Variants in MAMDC2 observed in about 807,000 individuals in gnomAD.
MAMDC2 encodes MAM domain-containing protein 2.
Under a neutral mutation model 89.8 loss-of-function variants are expected in MAMDC2, and 57 were observed. The ratio of observed to expected loss-of-function variants is 0.63; its 90% CI spans 0.51 to 0.79. The LOEUF is 0.79. Among genes scored for constraint, MAMDC2 ranks in the 30% least tolerant of loss-of-function variants. The probability of loss-of-function intolerance (pLI) is 0.00; values close to 1 mark genes in which losing one functional copy is unlikely to be tolerated. For synonymous variants in MAMDC2, 313 were observed against 293.4 expected (o/e 1.07, Z -0.68); for missense variants, 800 against 820.6 (o/e 0.97, Z 0.31).
intron 3 of MAMDC2, among the ~76,000 whole-genome samples, chr9:70,109,509 A>AT (rs993683129): frequency 2.0e-5 from 3 of 152,324 alleles, no homozygotes; most frequent in Non-Finnish European, 4.4e-5. Flanking sequence ...GTATGAGTTT[A>AT]TGTGCACATG....
chr9:70,213,186 A>C (rs923999373), intron 11 of MAMDC2, among the ~76,000 whole-genome samples: 4 of 152,186 alleles, frequency 2.6e-5, no homozygotes, highest in Non-Finnish European at 5.9e-5. Context: ...TTCTTAGGTC[A>C]TCTCTCTCAT....
intron 2 of MAMDC2, among the ~76,000 whole-genome samples, chr9:70,063,991 A>AT (rs1264026258): frequency 6.6e-6 from 1 of 152,150 alleles, no homozygotes; most frequent in African/African-American, 2.4e-5. Flanking sequence ...ATCTTTATTG[A>AT]TTTTTGCTGA....
chr9:70,099,240 A>G (rs1828101026), intron 2 of MAMDC2, among the ~76,000 whole-genome samples: 1 of 152,244 alleles, frequency 6.6e-6, no homozygotes, highest in Admixed American at 6.5e-5. Flanking sequence ...CAAAGATTAA[A>G]AAATCATTTT....
intron 9 of MAMDC2, among the ~76,000 whole-genome samples, chr9:70,150,778 T>C (rs2118447634): frequency 6.6e-6 from 1 of 152,334 alleles, no homozygotes; most frequent in African/African-American, 2.4e-5. Flanking sequence ...CCATCATTTC[T>C]TACTTAAATG....
chr9:70,186,232 C>G (rs1384992848), intron 11 of MAMDC2, among the ~76,000 whole-genome samples: 2 of 152,048 alleles, frequency 1.3e-5, no homozygotes, highest in African/African-American at 4.8e-5. Context: ...CCATGTTTAT[C>G]TCTTGAATTA....
chr9:70,061,052 A>G (rs1483101031), intron 2 of MAMDC2, among the ~76,000 whole-genome samples: 14 of 152,240 alleles, frequency 9.2e-5, no homozygotes, highest in Admixed American at 9.2e-4. Flanking sequence ...ATCCTTATGC[A>G]AATGCACAGT....
intron 2 of MAMDC2, chr9:70,086,296 A>G (rs936036496): frequency 3.3e-5 from 5 of 152,202 alleles, no homozygotes; most frequent in African/African-American, 1.2e-4. Context: ...TCCGATTTCC[A>G]CTACAATGTG....
chr9:70,072,275 A>G (rs985588379), intron 2 of MAMDC2, among the ~76,000 whole-genome samples: 4 of 152,162 alleles, frequency 2.6e-5, no homozygotes, highest in African/African-American at 9.7e-5. Flanking sequence ...GAGGTGCTCA[A>G]ATAAATGTGG....
intron 2 of MAMDC2, among the ~76,000 whole-genome samples, chr9:70,074,094 A>T (rs1360820814): frequency 6.6e-6 from 1 of 152,134 alleles, no homozygotes; most frequent in Non-Finnish European, 1.5e-5. Flanking sequence ...CCCTGCCCTT[A>T]ATAGCTTTAA....
intron 2 of MAMDC2, among the ~76,000 whole-genome samples, chr9:70,059,190 G>A (rs933933365): frequency 3.3e-5 from 5 of 152,174 alleles, no homozygotes; most frequent in African/African-American, 9.7e-5. Flanking sequence ...CCTGAGAAGA[G>A]GGAAAATCCT....
rs1338710069 is a variant in MAMDC2, at chr9:70,043,902, C to T, written c.-296C>T. The stretch of plus-strand genomic sequence containing the variant: ...GGCCTTTCAAAGTGTGCAGTTGTCT[C>T]CTCCCTGTCCAGCCCCATCGTCGCC... On this transcript the variant is annotated 5_prime_UTR_variant, in exon 1 of 14. Coordinates refer to ENST00000377182, the MANE Select transcript of MAMDC2 (RefSeq NM_153267.5). 1.8e-6 allele frequency: 1 copy of T among 541,944 alleles called. No homozygotes were observed. Among genetic ancestry groups the T allele is most frequent in the East Asian group, 3.1e-5 (1 of 32,108 alleles). The allele number at this position is 541,944 out of a possible 1,614,324, so 33.6% of individuals were successfully genotyped here.
At position 70,052,875 on chromosome 9, in the gene MAMDC2, C is replaced by T. The variant is rs7034922; in HGVS notation, c.148+8178C>T. On this transcript the variant is annotated intron_variant, in intron 2 of 13. Coordinates refer to ENST00000377182, the MANE Select transcript of MAMDC2 (RefSeq NM_153267.5). ...CAAAGCAGTATTACAGCTTGTCTCA[C>T]CAGTACATGGCCTGTTTCATCCCTA... is the stretch of plus-strand genomic sequence containing the variant. 5.2e-3 allele frequency among the ~76,000 whole-genome samples: 787 copies of T among 152,322 alleles called. 6 individuals carry two copies. The highest frequency in any genetic ancestry group is 0.018 in the African/African-American group (728 of 41,564).
At chr9:70,126,737 AGAG>A (rs1434357681) in intron 6 of MAMDC2, among the ~76,000 whole-genome samples, 2 of 152,122 alleles carry the variant, frequency 1.3e-5, no homozygotes, top group Non-Finnish European at 2.9e-5. Context: ...AGGGTTCAAA[AGAG>A]GAGATCAGAA....
intron 11 of MAMDC2, among the ~76,000 whole-genome samples, chr9:70,200,858 G>A (rs1467202075): frequency 2.7e-5 from 4 of 146,178 alleles, no homozygotes; most frequent in African/African-American, 1.0e-4. Context: ...CTGTTTGTCT[G>A]TTGTTGGTGT....
intron 6 of MAMDC2, 126 bp downstream of exon 6, chr9:70,126,541 T>C (rs2118343959): frequency 9.8e-7 from 1 of 1,016,202 alleles, no homozygotes; most frequent in East Asian, 2.6e-5. Context: ...GTGCCTCAAC[T>C]GTATTCTTTC....
rs139893046 is a variant in MAMDC2 at position 70,050,759 on chromosome 9, T to C, written c.148+6062T>C. On this transcript the variant is annotated intron_variant, in intron 2 of 13. Transcript: ENST00000377182. The stretch of plus-strand genomic sequence containing the variant: ...GGAGAGTGTGGTTTTCTTTTGCTTA[T>C]AGTTATGCCATCTACTCTTCATTCC... Among the ~76,000 whole-genome samples the C allele has an allele frequency of 6.1e-3, 932 of 152,324 alleles. 9 individuals are homozygous for C. The highest frequency in any genetic ancestry group is 0.021 in the African/African-American group (893 of 41,568).
At chr9:70,154,722 G>C (rs568464118) in intron 9 of MAMDC2, among the ~76,000 whole-genome samples, 4 of 151,302 alleles carry the variant, frequency 2.6e-5, no homozygotes, top group African/African-American at 4.9e-5. Context: ...TAAGTAGCTC[G>C]GGCTGGTCTG....
intron 5 of MAMDC2, among the ~76,000 whole-genome samples, chr9:70,114,391 G>A (rs1396567913): frequency 1.3e-5 from 2 of 151,274 alleles, no homozygotes; most frequent in African/African-American, 4.9e-5. Context: ...CATTAGGAAG[G>A]CAGGGGATTT....
At chr9:70,045,102 TCTC>T (rs1201805351) in intron 2 of MAMDC2, among the ~76,000 whole-genome samples, 1 of 152,212 alleles carries the variant, frequency 6.6e-6, no homozygotes, top group Non-Finnish European at 1.5e-5. Flanking sequence ...TGGGACTAGT[TCTC>T]CTTCAGCTTT....
Sources: allele counts gnomAD v4.1 joint callset (sites outside exome capture counted in the v4.1 genomes callset), GRCh38; gene constraint gnomAD v4.1.1; transcripts MANE v1.5; gene names NCBI Gene and HGNC (gene_info 2026-07-23, HGNC 2026-07-21).